The following TPR variants were observed in gnomAD, a reference collection of about 807,000 sequenced individuals.
TPR encodes translocated promoter region, nuclear basket protein, also known as nucleoprotein TPR.
Under a neutral mutation model 316.1 loss-of-function variants are expected in TPR, and 51 were observed. That is an observed-to-expected ratio of 0.16 (90% CI 0.13 to 0.20). The LOEUF (loss-of-function observed/expected upper bound fraction) is 0.20. TPR is among the 10% of genes least tolerant of loss of function. The pLI is 1.00. For missense variants in TPR, 2,272 were observed against 2,754.8 expected, an observed-to-expected ratio of 0.82 and a Z score of 3.92; for synonymous variants, 981 against 914.7, an observed-to-expected ratio of 1.07 and a Z score of -1.31.
At position 186,322,500 on chromosome 1, in the gene TPR, T is replaced by A. The variant is rs1657801185; in HGVS notation, c.6366+18A>T. On this transcript the variant is annotated intron_variant, in intron 44 of 50. Coordinates refer to ENST00000367478, the MANE Select transcript of TPR (RefSeq NM_003292.3). ...GCTCAAGAAATGAATTACTTTTACATAATGGGTAAGTACTTACCATGCCAC... is the reference window on the plus strand; with the variant it reads ...GCTCAAGAAATGAATTACTTTTACAAAATGGGTAAGTACTTACCATGCCAC... 6.2e-7 allele frequency: 1 copy of A among 1,613,818 alleles called. No homozygotes were observed. Among genetic ancestry groups the A allele is most frequent in the African/African-American group, 1.3e-5 (1 of 75,044 alleles).
intron 42 of TPR, among the ~76,000 whole-genome samples, chr1:186,325,051 T>C (rs1657878464): frequency 1.3e-5 from 2 of 152,160 alleles, no homozygotes; most frequent in Admixed American, 6.5e-5. Context: ...GTTTTGTCTG[T>C]TCTTTAGTTA....
intron 4 of TPR, among the ~76,000 whole-genome samples, chr1:186,365,575 A>C (rs568521104): frequency 6.6e-6 from 1 of 152,326 alleles, no homozygotes; most frequent in South Asian, 2.1e-4. Context: ...ACTTTGTGAA[A>C]AGAAAATGTC....
chr1:186,360,683 A>G, intron 10 of TPR, 82 bp downstream of exon 10: 1 of 1,554,800 alleles, frequency 6.4e-7, no homozygotes, highest in South Asian at 1.2e-5. Flanking sequence ...ATGACAGATA[A>G]ATACTATTAG....
At chr1:186,338,005 T>G in intron 31 of TPR, 28 bp downstream of exon 31, 2 of 1,522,458 alleles carry the variant, frequency 1.3e-6, no homozygotes, top group Non-Finnish European at 1.8e-6. Flanking sequence ...CCTAGTTTTT[T>G]TTTGTAAGAT....
At chr1:186,346,755 T>C (rs1658692501) in intron 22 of TPR, among the ~76,000 whole-genome samples, 1 of 152,136 alleles carries the variant, frequency 6.6e-6, no homozygotes, top group African/African-American at 2.4e-5. Context: ...AAAAATCTGA[T>C]TATGACATGT....
Position 186,325,871 on chromosome 1 carries a change from G to A in TPR, c.6022-17C>T. On this transcript the variant is annotated splice_polypyrimidine_tract_variant and intron_variant, in intron 41 of 50. Coordinates refer to ENST00000367478, the MANE Select transcript of TPR (RefSeq NM_003292.3). ...ATCACCACCCTAAAAACAAAACGTG[G>A]TAACATAATGCTCAAATAAAATAAA... The A allele has an allele frequency of 3.7e-6, 6 of 1,608,280 alleles. No individual in the cohort carries two copies. Among genetic ancestry groups the A allele is most frequent in the Non-Finnish European group, 5.1e-6 (6 of 1,176,756 alleles).
At chr1:186,334,797 G>A (rs996282391) in intron 35 of TPR, among the ~76,000 whole-genome samples, 6 of 152,026 alleles carry the variant, frequency 3.9e-5, no homozygotes, top group South Asian at 4.2e-4. Context: ...GTAACATCAC[G>A]GGGAAAATCA....
chr1:186,359,698 T>C, intron 12 of TPR, 101 bp downstream of exon 12: 1 of 1,197,676 alleles, frequency 8.3e-7, no homozygotes, highest in South Asian at 1.6e-5. Flanking sequence ...AAAATCGTAT[T>C]TAGATTTTTC....
chr1:186,319,896 A>C (rs1657726817), intron 46 of TPR, among the ~76,000 whole-genome samples: 1 of 152,232 alleles, frequency 6.6e-6, no homozygotes, highest in African/African-American at 2.4e-5. Flanking sequence ...ATGTTAATAC[A>C]AAAAATATAA....
At chr1:186,321,478 A>G (rs1657775227) in intron 45 of TPR, among the ~76,000 whole-genome samples, 1 of 152,186 alleles carries the variant, frequency 6.6e-6, no homozygotes, top group Admixed American at 6.5e-5. Flanking sequence ...GAAACTAAAA[A>G]CTGCAACTTC....
chr1:186,332,076 A>G, intron 38 of TPR, 119 bp downstream of exon 38: 1 of 1,080,258 alleles, frequency 9.3e-7, no homozygotes, highest in Non-Finnish European at 1.3e-6. Flanking sequence ...GTTCAATAAA[A>G]GTGTTTTCCA....
At chr1:186,362,204 A>T in intron 7 of TPR, 84 bp downstream of exon 7, 1 of 1,169,540 alleles carries the variant, frequency 8.6e-7, no homozygotes, top group Non-Finnish European at 1.2e-6. Context: ...AGGACAGATT[A>T]AAAAATGACA....
Position 186,318,829 on chromosome 1 carries a change from C to T in TPR, c.6569-1G>A. 6.2e-7 allele frequency: 1 copy of T among 1,613,132 alleles called. No individual in the cohort carries two copies. Among genetic ancestry groups the T allele is most frequent in the Non-Finnish European group, 8.5e-7 (1 of 1,179,684 alleles). Reference sequence around the variant, plus strand: ...AGGGGTGTTTCATACATTCCTAAACCTAAAGACAATTCTGAATATTAATGA... The same window carrying T: ...AGGGGTGTTTCATACATTCCTAAACTTAAAGACAATTCTGAATATTAATGA... On this transcript the variant is annotated splice_acceptor_variant, in intron 46 of 50. Coordinates refer to ENST00000367478, the MANE Select transcript of TPR (RefSeq NM_003292.3). LOFTEE classifies it high-confidence loss of function.
At chr1:186,343,834 T>C in intron 26 of TPR, 72 bp downstream of exon 26, 1 of 1,291,720 alleles carries the variant, frequency 7.7e-7, no homozygotes, top group Non-Finnish European at 1.1e-6. Flanking sequence ...TCTCCTTCTC[T>C]AATTTATATA....
rs1383632529 is a variant in TPR, at chr1:186,334,662, GA to G, written c.4974-130del. The G allele has an allele frequency of 8.4e-5, 82 of 979,452 alleles. No individual in the cohort carries two copies. In the East Asian group the frequency reaches 1.8e-3, roughly 22 times the overall value. 60.7% of individuals were successfully genotyped at this position (979,452 alleles called of 1,614,324 possible). A position where few individuals can be genotyped will look rare whatever the true frequency, so the allele number is the denominator to read the frequency against. On this transcript the variant is annotated intron_variant, in intron 35 of 50. Coordinates refer to ENST00000367478, the MANE Select transcript of TPR (RefSeq NM_003292.3). Reference sequence around the variant, plus strand: ...TTCAGAGCCTTATTAAAGCTGTTTTGAATTTAAGCATTAAAAACTACACAGG... The same window carrying G: ...TTCAGAGCCTTATTAAAGCTGTTTTGATTTAAGCATTAAAAACTACACAGG...
chr1:186,347,562 T>C (rs1016361160), intron 21 of TPR, 104 bp from the exon 22 acceptor site: 7 of 1,212,058 alleles, frequency 5.8e-6, no homozygotes, highest in South Asian at 2.0e-5. Context: ...AATACAGATA[T>C]ATTTAGAAAG....
intron 42 of TPR, 195 bp downstream of exon 42, chr1:186,325,569 A>C (rs1239595088): frequency 4.4e-6 from 2 of 453,066 alleles, no homozygotes; most frequent in Non-Finnish European, 7.7e-6. Context: ...GAGGCAGAAA[A>C]GAGTATAATG....
chr1:186,313,550 AAATT>A lies in TPR; in HGVS notation c.*417_*420del. Reference sequence around the variant, plus strand: ...TGTTTTTCTTTTTGTTATAAAGTTCAAATTAATTAGTAAAAACATCTCTATTAAA... The same window carrying A: ...TGTTTTTCTTTTTGTTATAAAGTTCAAATTAGTAAAAACATCTCTATTAAA... On this transcript the variant is annotated 3_prime_UTR_variant, in exon 51 of 51. Coordinates refer to ENST00000367478, the MANE Select transcript of TPR (RefSeq NM_003292.3). 1 of 626,576 alleles carries A rather than the reference AAATT, an allele frequency of 1.6e-6. No individual in the cohort carries two copies. Among genetic ancestry groups the A allele is most frequent in the South Asian group, 2.0e-5 (1 of 50,744 alleles). The allele number at this position is 626,576 out of a possible 1,614,324, so 38.8% of individuals were successfully genotyped here.
In TPR at chr1:186,312,409, T is replaced by C. The variant is rs1657332152; in HGVS notation, c.*1562A>G. ...ATTGTGTTAAAAAAATCCTTAAACA[T>C]AAGTAGATGTAATACAGTTTCTTAT... is the stretch of plus-strand genomic sequence containing the variant. On this transcript the variant is annotated 3_prime_UTR_variant, in exon 51 of 51. Transcript: ENST00000367478. The C allele has an allele frequency of 6.5e-7, 1 of 1,535,784 alleles. No individual in the cohort carries two copies. Among genetic ancestry groups the C allele is most frequent in the Non-Finnish European group, 8.9e-7 (1 of 1,122,272 alleles).
Sources: gnomAD v4.1 joint callset for allele counts (sites outside exome capture counted in the v4.1 genomes callset) on GRCh38, gnomAD v4.1.1 for gene constraint, MANE v1.5 for transcripts, NCBI Gene and HGNC (gene_info 2026-07-23, HGNC 2026-07-21) for gene names.